Variants in AGAP3 observed in about 807,000 individuals in gnomAD.
The protein encoded by AGAP3 is arf-GAP with GTPase, ANK repeat and PH domain-containing protein 3.
Under a neutral mutation model 96.9 loss-of-function variants are expected in AGAP3, and 24 were observed. The ratio of observed to expected loss-of-function variants is 0.25; its 90% CI spans 0.18 to 0.35. The LOEUF is 0.35. AGAP3 is among the 10% of genes least tolerant of loss of function. The pLI is 1.00. For synonymous variants in AGAP3, 563 were observed against 536.1 expected (o/e 1.05, Z -0.69); for missense variants, 876 against 1,254.2 (o/e 0.70, Z 4.55).
chr7:151,116,788 C>G lies in AGAP3; in HGVS notation c.332-5C>G. ...GCCCTGACGGGGCGGCTCTGTCTTC[C>G]GCAGACTCGTTTGTGAACAGCCAGG... On this transcript the variant is annotated splice_polypyrimidine_tract_variant and splice_region_variant and intron_variant, in intron 1 of 17. Coordinates refer to ENST00000397238, the MANE Select transcript of AGAP3 (RefSeq NM_031946.7). The G allele has an allele frequency of 6.2e-7, 1 of 1,614,060 alleles. No homozygotes were observed. The highest frequency in any genetic ancestry group is 8.5e-7 in the Non-Finnish European group (1 of 1,180,002).
chr7:151,123,708 A>T lies in AGAP3; in HGVS notation c.1129-86A>T. ...CTGCTAGGGCTGCCCAGGAGGAGGG[A>T]GGCAGGAGGGAGGCCGGGAAGTCCA... On this transcript the variant is annotated intron_variant, in intron 8 of 17. Coordinates refer to ENST00000397238, the MANE Select transcript of AGAP3 (RefSeq NM_031946.7). 1.9e-6 allele frequency: 3 copies of T among 1,587,566 alleles called. No homozygotes were observed. In the South Asian group the frequency reaches 3.3e-5, roughly 18 times the overall value.
At chr7:151,134,283 A>G in intron 10 of AGAP3, 117 bp from the exon 11 acceptor site, 1 of 1,165,308 alleles carries the variant, frequency 8.6e-7, no homozygotes. Context: ...CCTGCTTTTC[A>G]AGATTGGAGC....
At chr7:151,094,235 C>T (rs1425144924) in intron 1 of AGAP3, among the ~76,000 whole-genome samples, 7 of 132,830 alleles carry the variant, frequency 5.3e-5, no homozygotes, top group Non-Finnish European at 9.6e-5. Flanking sequence ...TTCTGAAAGG[C>T]GGCAGGGTAT....
chr7:151,143,630 G>A lies in AGAP3; in HGVS notation c.2529+34G>A, dbSNP rs201851568. Reference sequence around the variant, plus strand: ...CGTGCCTCTAGCCTGCCCTGACCTCGCTCTTCTTAGCCTTGTTCTTTGAAA... The same window carrying A: ...CGTGCCTCTAGCCTGCCCTGACCTCACTCTTCTTAGCCTTGTTCTTTGAAA... On this transcript the variant is annotated intron_variant, in intron 17 of 17. Transcript: ENST00000397238. This position sits in a 1 kb window ranked among gnomAD's most constrained non-coding sequence, Gnocchi z 5.9. 2,100 of 1,596,238 alleles carry A rather than the reference G, an allele frequency of 1.3e-3. 3 individuals are homozygous for A. The highest frequency in any genetic ancestry group is 1.7e-3 in the Non-Finnish European group (1,981 of 1,168,986).
In AGAP3 at chr7:151,108,037, T is replaced by C. The variant is rs1173346919; in HGVS notation, c.332-8756T>C. Among the ~76,000 whole-genome samples, 1 of 152,178 alleles carries C rather than the reference T, an allele frequency of 6.6e-6. No individual in the cohort carries two copies. The highest frequency in any genetic ancestry group is 2.1e-4 in the South Asian group (1 of 4,830). ...GGGGGTGCAGCACATGCTGGTCGCG[T>C]TCCTCTCCAGGGAGGAGCTGCTAGA... On this transcript the variant is annotated intron_variant, in intron 1 of 17. Coordinates refer to ENST00000397238, the MANE Select transcript of AGAP3 (RefSeq NM_031946.7). This position sits in a 1 kb window ranked among gnomAD's most constrained non-coding sequence, Gnocchi z 4.2.
At chr7:151,127,159 G>A (rs567653421) in intron 9 of AGAP3, among the ~76,000 whole-genome samples, 1 of 152,320 alleles carries the variant, frequency 6.6e-6, no homozygotes, top group South Asian at 2.1e-4. Flanking sequence ...CTATTAGGAA[G>A]AACTTAGAGG....
At chr7:151,104,201 C>T (rs1798946990) in intron 1 of AGAP3, among the ~76,000 whole-genome samples, 1 of 152,182 alleles carries the variant, frequency 6.6e-6, no homozygotes, top group African/African-American at 2.4e-5. Context: ...TGGCCGTAAA[C>T]CCGACAATCT....
At chr7:151,136,613 A>T (rs1328701560) in intron 11 of AGAP3, 1 of 152,244 alleles carries the variant, frequency 6.6e-6, no homozygotes. Flanking sequence ...ATCAAATTCG[A>T]CAATTACAGT....
chr7:151,139,938 C>A lies in AGAP3; in HGVS notation c.1667-41C>A. The stretch of plus-strand genomic sequence containing the variant: ...TGCCCTGCGCCCCTCCCCTCCTCTG[C>A]CTCCCTTCTTCCCACACTTCTCCAA... On this transcript the variant is annotated intron_variant, in intron 12 of 17. Coordinates refer to ENST00000397238, the MANE Select transcript of AGAP3 (RefSeq NM_031946.7). The surrounding 1 kb of genome is among the most constrained non-coding windows in gnomAD (Gnocchi z 4.9). 1 of 1,464,268 alleles carries A rather than the reference C, an allele frequency of 6.8e-7. No homozygotes were observed. The highest frequency in any genetic ancestry group is 9.1e-7 in the Non-Finnish European group (1 of 1,103,232). 90.7% of individuals were successfully genotyped at this position (1,464,268 alleles called of 1,614,324 possible). A position where few individuals can be genotyped will look rare whatever the true frequency, so the allele number is the denominator to read the frequency against.
At chr7:151,127,106 G>T (rs1040298493) in intron 9 of AGAP3, among the ~76,000 whole-genome samples, 5 of 152,184 alleles carry the variant, frequency 3.3e-5, no homozygotes, top group African/African-American at 1.2e-4. Flanking sequence ...TCCAGGAAAC[G>T]GGAATCTCTT....
chr7:151,116,454 A>C, intron 1 of AGAP3: 6 of 342,842 alleles, frequency 1.8e-5, no homozygotes, highest in Admixed American at 4.5e-5. Flanking sequence ...TGGGCCTGGT[A>C]TTTGGGCCAC....
intron 10 of AGAP3, among the ~76,000 whole-genome samples, chr7:151,129,461 C>T (rs890941515): frequency 6.6e-6 from 1 of 152,068 alleles, no homozygotes; most frequent in Non-Finnish European, 1.5e-5. Context: ...CCGAGAGCAC[C>T]GCCCAGACAG....
intron 10 of AGAP3, among the ~76,000 whole-genome samples, chr7:151,132,408 G>A (rs1800436617): frequency 6.6e-6 from 1 of 152,252 alleles, no homozygotes; most frequent in Non-Finnish European, 1.5e-5. Context: ...CAGAGGACTG[G>A]GGTGGCAGGA....
chr7:151,127,542 C>G (rs1417066562), intron 9 of AGAP3, among the ~76,000 whole-genome samples: 1 of 152,146 alleles, frequency 6.6e-6, no homozygotes, highest in East Asian at 1.9e-4. Flanking sequence ...TCTTCTCAGC[C>G]CTCTTGAGTT....
chr7:151,123,319 C>T (rs1046879919), intron 8 of AGAP3: 3 of 1,030,670 alleles, frequency 2.9e-6, no homozygotes, highest in African/African-American at 3.4e-5. Context: ...TGGCCTCTCT[C>T]CTCTCTCTGT....
At chr7:151,101,820 A>C (rs2150424035) in intron 1 of AGAP3, among the ~76,000 whole-genome samples, 1 of 152,268 alleles carries the variant, frequency 6.6e-6, no homozygotes, top group East Asian at 1.9e-4. Flanking sequence ...ATCATCTCCC[A>C]CCCCAGGCCT....
At chr7:151,094,479 G>GAA (rs57860368) in intron 1 of AGAP3, among the ~76,000 whole-genome samples, 9 of 119,816 alleles carry the variant, frequency 7.5e-5, no homozygotes, top group Admixed American at 2.6e-4. Context: ...TGATACGTAA[G>GAA]AAAAAAAAAA....
At chr7:151,127,811 C>T (rs965575433) in intron 9 of AGAP3, among the ~76,000 whole-genome samples, 4 of 152,210 alleles carry the variant, frequency 2.6e-5, no homozygotes, top group African/African-American at 9.6e-5. Flanking sequence ...CTAGTGGGGT[C>T]TACCTCCTGC....
intron 10 of AGAP3, among the ~76,000 whole-genome samples, chr7:151,130,180 C>T (rs1324127544): frequency 4.6e-5 from 7 of 152,182 alleles, no homozygotes; most frequent in Non-Finnish European, 8.8e-5. Context: ...CTTACCTGCT[C>T]CTTTCTGTTT....
Sources: gnomAD v4.1 joint callset for allele counts (sites outside exome capture counted in the v4.1 genomes callset) on GRCh38, gnomAD v4.1.1 for gene constraint, Gnocchi (gnomAD v3.1) non-coding constraint, MANE v1.5 for transcripts, NCBI Gene and HGNC (gene_info 2026-07-23, HGNC 2026-07-21) for gene names.